DDX46: variants seen among roughly 807,000 people sequenced by gnomAD.
DDX46 encodes DEAD-box helicase 46, also known as probable ATP-dependent RNA helicase DDX46.
DDX46 carries 30 observed loss-of-function variants against 134.9 expected under a neutral mutation model. That is an observed-to-expected ratio of 0.22 (90% CI 0.17 to 0.30). The LOEUF is 0.30. Among genes scored for constraint, DDX46 ranks in the 10% least tolerant of loss-of-function variants. DDX46 has a pLI of 1.00. For missense variants in DDX46, 622 were observed against 1,248.7 expected (o/e 0.50, Z 7.56); for synonymous variants, 415 against 404.1 (o/e 1.03, Z -0.32).
In DDX46 at chr5:134,784,441, C is replaced by T; in HGVS notation, c.1242C>T (p.Gly414=). 6.2e-7 allele frequency: 1 copy of T among 1,614,068 alleles called. No homozygotes were observed. The highest frequency in any genetic ancestry group is 8.5e-7 in the Non-Finnish European group (1 of 1,179,978). ...PAIMSGRDLI[G]IAKTGSGKTI... is the part of the protein sequence containing the mutation. ...TAATGTCTGGACGAGATTTGATTGG[C>T]ATTGCCAAAACAGGAAGTGGAAAGA... The change falls in exon 10 of 23, where the codon GGC becomes GGT. Residue 414 remains glycine, a synonymous_variant. Transcript: ENST00000452510.
intron 18 of DDX46, among the ~76,000 whole-genome samples, chr5:134,815,768 G>C (rs943138685): frequency 6.8e-6 from 1 of 147,346 alleles, no homozygotes; most frequent in Non-Finnish European, 1.5e-5. Context: ...TGTGACTCCT[G>C]TCAAAGCAAA....
At chr5:134,826,765 A>G (rs1041388383) in intron 21 of DDX46, 182 bp from the exon 22 acceptor site, 8 of 523,942 alleles carry the variant, frequency 1.5e-5, no homozygotes, top group Non-Finnish European at 1.0e-5. Context: ...AAAGTAATCA[A>G]AATAATAAGC....
At chr5:134,804,432 G>A (rs1754923145) in intron 15 of DDX46, among the ~76,000 whole-genome samples, 1 of 152,082 alleles carries the variant, frequency 6.6e-6, no homozygotes, top group Non-Finnish European at 1.5e-5. Context: ...GTAAATCAGT[G>A]CCATTTGTCT....
At chr5:134,771,221 A>G (rs888144391) in intron 4 of DDX46, among the ~76,000 whole-genome samples, 9 of 151,626 alleles carry the variant, frequency 5.9e-5, no homozygotes, top group East Asian at 2.0e-4. Flanking sequence ...CAGCCTCCCA[A>G]GTAGTTGGGA....
chr5:134,760,372 A>G (rs1753340181), intron 1 of DDX46, among the ~76,000 whole-genome samples: 1 of 152,018 alleles, frequency 6.6e-6, no homozygotes, highest in Admixed American at 6.6e-5. Context: ...AAAAAGCCCA[A>G]TTTTTCTGCA....
Position 134,830,818 on chromosome 5 carries a change from T to C in DDX46, c.*2112T>C, listed in dbSNP as rs1755719140. 1 of 152,644 alleles carries C rather than the reference T, an allele frequency of 6.6e-6. No individual in the cohort carries two copies. Among genetic ancestry groups the C allele is most frequent in the African/African-American group, 2.4e-5 (1 of 41,454 alleles). 9.5% of individuals were successfully genotyped at this position (152,644 alleles called of 1,614,324 possible). On this transcript the variant is annotated 3_prime_UTR_variant, in exon 23 of 23. Coordinates refer to ENST00000452510, the MANE Select transcript of DDX46 (RefSeq NM_001300860.2). The stretch of plus-strand genomic sequence containing the variant: ...CTCATCTTTATCACCTAATGGTAGT[T>C]TGTTTTCTTTGGTAGAGTATATGGC...
chr5:134,797,593 A>G (rs1380332427), intron 15 of DDX46, among the ~76,000 whole-genome samples: 1 of 152,208 alleles, frequency 6.6e-6, no homozygotes, highest in Non-Finnish European at 1.5e-5. Flanking sequence ...CATTTCTGCC[A>G]TATACAAATA....
chr5:134,828,605 TTG>T (rs2097456471), intron 22 of DDX46, 52 bp from the exon 23 acceptor site: 4 of 1,266,610 alleles, frequency 3.2e-6, no homozygotes, highest in Admixed American at 2.8e-5. Context: ...TTTTTTTTTT[TTG>T]TTTTTTTTGT....
At chr5:134,827,313 C>A (rs2150164654) in intron 22 of DDX46, among the ~76,000 whole-genome samples, 1 of 149,854 alleles carries the variant, frequency 6.7e-6, no homozygotes, top group East Asian at 2.0e-4. Context: ...CTTGCATTGT[C>A]ACCCAGGCTG....
chr5:134,828,565 T>G, intron 22 of DDX46, 94 bp from the exon 23 acceptor site: 1 of 754,156 alleles, frequency 1.3e-6, no homozygotes, highest in Non-Finnish European at 1.9e-6. Context: ...ATATTTCCTT[T>G]TGGGTTTGTT....
intron 15 of DDX46, among the ~76,000 whole-genome samples, chr5:134,804,073 C>T (rs1217685240): frequency 1.3e-5 from 2 of 151,930 alleles, no homozygotes; most frequent in Non-Finnish European, 2.9e-5. Flanking sequence ...GCTGAGACTG[C>T]AGGCATGAGC....
rs1459368526 is a variant in DDX46 at position 134,811,917 on chromosome 5, G to C, written c.2436+72G>C. ...TTGTACTGGAGGTCTTGCCATATAT[G>C]GTTATCAAGATAGACAATCACTGGA... is the stretch of plus-strand genomic sequence containing the variant. On this transcript the variant is annotated intron_variant, in intron 18 of 22. Coordinates refer to ENST00000452510, the MANE Select transcript of DDX46 (RefSeq NM_001300860.2). The C allele has an allele frequency of 3.3e-6, 5 of 1,526,180 alleles. No homozygotes were observed. The African/African-American group carries it at 7.0e-5, about 21-fold the overall frequency. 94.5% of individuals were successfully genotyped at this position (1,526,180 alleles called of 1,614,324 possible).
intron 2 of DDX46, among the ~76,000 whole-genome samples, chr5:134,765,101 C>T (rs1259533076): frequency 1.3e-5 from 2 of 148,622 alleles, no homozygotes; most frequent in Non-Finnish European, 3.0e-5. Context: ...CAGAGTCTCA[C>T]TCTGTCACCC....
chr5:134,825,720 A>G (rs1561877117), intron 21 of DDX46: 1 of 152,224 alleles, frequency 6.6e-6, no homozygotes, highest in Non-Finnish European at 1.5e-5. Context: ...GGCATTGTCC[A>G]TTGGCTCCAG....
chr5:134,825,327 T>G (rs1755561137), intron 21 of DDX46, among the ~76,000 whole-genome samples: 1 of 152,166 alleles, frequency 6.6e-6, no homozygotes, highest in Admixed American at 6.6e-5. Context: ...CCCCACGTAG[T>G]TTTATAGTGT....
chr5:134,773,639 A>C lies in DDX46; in HGVS notation c.448-57A>C, dbSNP rs1244971769. ...GAATGTCACTTGGAGCAAAATTATTAAATTTGGTTTTGCTTTTTATTTTCC... is the reference window on the plus strand; with the variant it reads ...GAATGTCACTTGGAGCAAAATTATTCAATTTGGTTTTGCTTTTTATTTTCC... On this transcript the variant is annotated intron_variant, in intron 4 of 22. Transcript: ENST00000452510. 3.3e-6 allele frequency: 5 copies of C among 1,507,024 alleles called. No individual in the cohort carries two copies. In the African/African-American group the frequency reaches 7.1e-5, roughly 21 times the overall value. 93.4% of individuals were successfully genotyped at this position (1,507,024 alleles called of 1,614,324 possible).
intron 7 of DDX46, among the ~76,000 whole-genome samples, chr5:134,781,717 C>T (rs112656701): frequency 7.9e-5 from 12 of 152,030 alleles, no homozygotes; most frequent in East Asian, 1.9e-4. Context: ...AGGTGTCATA[C>T]GTCATTTGAG....
intron 16 of DDX46, among the ~76,000 whole-genome samples, chr5:134,810,756 A>T (rs1056852170): frequency 6.6e-6 from 1 of 151,718 alleles, no homozygotes; most frequent in East Asian, 2.0e-4. Flanking sequence ...CTGTAATCCC[A>T]GCACTTTGGG....
intron 9 of DDX46, among the ~76,000 whole-genome samples, chr5:134,784,018 A>T (rs1366947510): frequency 6.6e-6 from 1 of 151,846 alleles, no homozygotes; most frequent in Non-Finnish European, 1.5e-5. Flanking sequence ...CCAAAAAGAA[A>T]CTTTTGTCCA....
Sources: allele counts gnomAD v4.1 joint callset (sites outside exome capture counted in the v4.1 genomes callset), GRCh38; gene constraint gnomAD v4.1.1; transcripts MANE v1.5; gene names NCBI Gene and HGNC (gene_info 2026-07-23, HGNC 2026-07-21).